The following GEMIN4 variants were observed in gnomAD, a reference collection of about 807,000 sequenced individuals.
GEMIN4 encodes gem nuclear organelle associated protein 4.
Under a neutral mutation model 76.8 loss-of-function variants are expected in GEMIN4, and 59 were observed. The ratio of observed to expected loss-of-function variants is 0.77; its 90% CI spans 0.62 to 0.95. GEMIN4 has a LOEUF of 0.95. GEMIN4 is among the 40% of genes least tolerant of loss of function. The pLI, the probability that GEMIN4 is intolerant of heterozygous loss-of-function variation, is 0.00. For missense variants in GEMIN4, 1,311 were observed against 1,318.9 expected (o/e 0.99, Z 0.09); for synonymous variants, 562 against 559.7 (o/e 1.00, Z -0.06).
chr17:752,394 C>T, upstream of GEMIN4: 14 of 790,524 alleles, frequency 1.8e-5, no homozygotes, highest in Non-Finnish European at 2.4e-5. Context: ...CCGGACGTCG[C>T]TCACTAGACC....
chr17:748,213 CA>C, intron 1 of GEMIN4, 181 bp from the exon 2 acceptor site: 1 of 587,232 alleles, frequency 1.7e-6, no homozygotes, highest in Non-Finnish European at 3.0e-6. Context: ...CCGAGGAATC[CA>C]GAATGGCTTC....
intron 1 of GEMIN4, chr17:748,249 G>A (rs1904385697): frequency 1.8e-6 from 1 of 550,374 alleles, no homozygotes; most frequent in Non-Finnish European, 3.2e-6. Flanking sequence ...TGGGAACTGG[G>A]AGGCCACCAG....
At position 744,845 on chromosome 17, in the gene GEMIN4, G is replaced by C; in HGVS notation, c.*21C>G. 4 of 1,591,698 alleles carry C rather than the reference G, an allele frequency of 2.5e-6. No homozygotes were observed. The highest frequency in any genetic ancestry group is 2.7e-5 in the African/African-American group (2 of 74,396). ...ATCTTCTGCAGACCCGCCATGTTGG[G>C]GCCCAGCTCCCCACGCCAAGTCAGA... is the stretch of plus-strand genomic sequence containing the variant. On this transcript the variant is annotated 3_prime_UTR_variant, in exon 2 of 2. Transcript: ENST00000319004.
Position 744,836 on chromosome 17 carries a change from C to G in GEMIN4, c.*30G>C. The G allele has an allele frequency of 6.3e-7, 1 of 1,583,562 alleles. No homozygotes were observed. The highest frequency in any genetic ancestry group is 8.6e-7 in the Non-Finnish European group (1 of 1,167,296). On this transcript the variant is annotated 3_prime_UTR_variant, in exon 2 of 2. Coordinates refer to ENST00000319004, the MANE Select transcript of GEMIN4 (RefSeq NM_015721.3). Reference sequence around the variant, plus strand: ...AAGCTGCTGATCTTCTGCAGACCCGCCATGTTGGGGCCCAGCTCCCCACGC... The same window carrying G: ...AAGCTGCTGATCTTCTGCAGACCCGGCATGTTGGGGCCCAGCTCCCCACGC...
chr17:747,426 T>A lies in GEMIN4; in HGVS notation c.617A>T (p.Asp206Val). 6.2e-7 allele frequency: 1 copy of A among 1,613,756 alleles called. No individual in the cohort carries two copies. Among genetic ancestry groups the A allele is most frequent in the South Asian group, 1.1e-5 (1 of 91,076 alleles). ...FPHPPKRLRSDPDACPTMPLL... is the reference protein window; with the variant it reads ...FPHPPKRLRSVPDACPTMPLL... ...GGGCATGGTGGGGCACGCGTCTGGG[T>A]CTGACCTAAGCCTCTTTGGAGGATG... The change falls in exon 2 of 2, where the codon GAC (aspartate) becomes GTC (valine). Residue 206 changes from aspartate (D) to valine (V), a missense_variant. Transcript: ENST00000319004.
At chr17:752,077 C>T in intron 1 of GEMIN4, 56 bp downstream of exon 1, 2 of 1,165,886 alleles carry the variant, frequency 1.7e-6, no homozygotes, top group South Asian at 4.3e-5. Context: ...GGGGCAGCAC[C>T]GCTCTGGTGG....
Position 745,402 on chromosome 17 carries a change from C to A in GEMIN4, c.2641G>T (p.Glu881Ter). The change falls in exon 2 of 2, where the codon GAG (glutamate) becomes TAG (stop). Residue 881 changes from glutamate to a stop codon, truncating the protein, a stop_gained. Coordinates refer to ENST00000319004, the MANE Select transcript of GEMIN4 (RefSeq NM_015721.3). LOFTEE classifies it high-confidence loss of function. This position sits in a 1 kb window ranked among gnomAD's most constrained non-coding sequence, Gnocchi z 4.6. The stretch of plus-strand genomic sequence containing the variant: ...TAAGGGACATGGAGGAGCTGCTTCT[C>A]CAGCAGTCTCCTGGTCAGCTGGTGA... ...RLHQLTRRLL[E>*]KQLLHVPYSL... The A allele has an allele frequency of 2.5e-6, 4 of 1,613,138 alleles. No individual in the cohort carries two copies. The highest frequency in any genetic ancestry group is 3.4e-6 in the Non-Finnish European group (4 of 1,179,846).
chr17:744,641 TTA>T lies in GEMIN4; in HGVS notation c.*223_*224del. 4.2e-6 allele frequency: 2 copies of T among 479,174 alleles called. No individual in the cohort carries two copies. Among genetic ancestry groups the T allele is most frequent in the Non-Finnish European group, 7.3e-6 (2 of 273,058 alleles). 29.7% of individuals were successfully genotyped at this position (479,174 alleles called of 1,614,324 possible). A position where few individuals can be genotyped will look rare whatever the true frequency, so the allele number is the denominator to read the frequency against. The stretch of plus-strand genomic sequence containing the variant: ...AGTGAGATGCGAAAGAGGAGAATTT[TTA>T]TGATAGTTTGTACGTTACAAATACC... On this transcript the variant is annotated 3_prime_UTR_variant, in exon 2 of 2. Transcript: ENST00000319004.
Position 745,616 on chromosome 17 carries a change from G to A in GEMIN4, c.2427C>T (p.Tyr809=), listed in dbSNP as rs374917019. The A allele has an allele frequency of 6.3e-5, 101 of 1,606,640 alleles. No individual in the cohort carries two copies. In the South Asian group the frequency reaches 6.3e-4, roughly 10 times the overall value. Residue 809 remains tyrosine, a synonymous_variant, in exon 2 of 2, where the codon TAC becomes TAT. Coordinates refer to ENST00000319004, the MANE Select transcript of GEMIN4 (RefSeq NM_015721.3). The surrounding 1 kb of genome is among the most constrained non-coding windows in gnomAD (Gnocchi z 4.6). The part of the protein sequence containing the change: ...DEWTSQAHPG[Y]GAGTGLLAWM... ...AGGCCAGGAGCCCCGTGCCAGCCCC[G>A]TACCCTGGGTGGGCCTGGGAGGTCC...
At chr17:750,078 A>G in intron 1 of GEMIN4, 5 of 776,686 alleles carry the variant, frequency 6.4e-6, no homozygotes, top group Non-Finnish European at 7.8e-6. Context: ...GATTCTGGCC[A>G]GGTTCAGTGG....
rs369029997 is a variant in GEMIN4 at position 745,176 on chromosome 17, G to A, written c.2867C>T (p.Ala956Val). ...SLTRLLDSVR[A>V]IQAAGPWVQG... ...AACCCAAGGGCCAGCTGCCTGTATC[G>A]CCCTGACTGAGTCCAGGAGGCGGGT... is the stretch of plus-strand genomic sequence containing the variant. The change falls in exon 2 of 2, where the codon GCG becomes GTG. Residue 956 changes from alanine (A) to valine (V), a missense_variant. Around this residue, in one of 2 missense-constraint regions of GEMIN4, gnomAD observed 1,208 missense variants for 1,166.9 expected, o/e 1.04. Coordinates refer to ENST00000319004, the MANE Select transcript of GEMIN4 (RefSeq NM_015721.3). This position sits in a 1 kb window ranked among gnomAD's most constrained non-coding sequence, Gnocchi z 4.6. 2.4e-5 allele frequency: 39 copies of A among 1,605,898 alleles called. No individual in the cohort carries two copies. The highest frequency in any genetic ancestry group is 1.7e-4 in the Middle Eastern group (1 of 6,056).
At chr17:751,736 T>A (rs1181800808) in intron 1 of GEMIN4, 1 of 219,816 alleles carries the variant, frequency 4.5e-6, no homozygotes, top group East Asian at 9.1e-5. Context: ...GGAAACGTCA[T>A]GAGCGTAAGA....
upstream of GEMIN4, chr17:752,344 G>A (rs1451571484): frequency 1.2e-5 from 14 of 1,178,970 alleles, no homozygotes; most frequent in Middle Eastern, 3.2e-4. Flanking sequence ...AGCGCACAGC[G>A]CCGCCTTCCG....
Position 747,879 on chromosome 17 carries a change from G to A in GEMIN4, c.164C>T (p.Ser55Leu), listed in dbSNP as rs375811017. 2.1e-5 allele frequency: 34 copies of A among 1,613,872 alleles called. No individual in the cohort carries two copies. Among genetic ancestry groups the A allele is most frequent in the African/African-American group, 1.9e-4 (14 of 75,006 alleles). The change falls in exon 2 of 2, where the codon TCG becomes TTG. Residue 55 changes from serine (S) to leucine (L), a missense_variant. Ser to Leu is a moderately radical substitution (Grantham distance 145). This residue lies in a region of GEMIN4 where 103 missense variants were observed against 152.0 expected (regional missense o/e 0.68). Coordinates refer to ENST00000319004, the MANE Select transcript of GEMIN4 (RefSeq NM_015721.3). ...PIVEALREISSAAAHSQPFAW... is the reference protein window; with the variant it reads ...PIVEALREISLAAAHSQPFAW... ...AAAGGGCTGGGAGTGTGCTGCAGCC[G>A]AGGAGATCTCCCTTAAGGCCTCCAC... is the stretch of plus-strand genomic sequence containing the variant.
intron 1 of GEMIN4, 97 bp downstream of exon 1, chr17:752,036 C>T: frequency 1.1e-6 from 1 of 875,350 alleles, no homozygotes; most frequent in South Asian, 5.7e-5. Flanking sequence ...TCCGGGCCCG[C>T]GCGAGCGTGC....
chr17:752,246 G>A lies in GEMIN4; in HGVS notation c.-104C>T, dbSNP rs190025181. 1.6e-6 allele frequency: 2 copies of A among 1,228,012 alleles called. No individual in the cohort carries two copies. Among genetic ancestry groups the A allele is most frequent in the Non-Finnish European group, 2.0e-6 (2 of 985,312 alleles). 76.1% of individuals were successfully genotyped at this position (1,228,012 alleles called of 1,614,324 possible). ...CGATGGGAGACGCAGGAGCCACGGCGGCCGCGCTTAGGCCTGCTCACAACC... is the reference window on the plus strand; with the variant it reads ...CGATGGGAGACGCAGGAGCCACGGCAGCCGCGCTTAGGCCTGCTCACAACC... On this transcript the variant is annotated 5_prime_UTR_variant, in exon 1 of 2. Coordinates refer to ENST00000319004, the MANE Select transcript of GEMIN4 (RefSeq NM_015721.3).
chr17:746,392 G>A lies in GEMIN4; in HGVS notation c.1651C>T (p.Arg551Cys), dbSNP rs375053646. The A allele has an allele frequency of 8.1e-6, 13 of 1,613,824 alleles. No individual in the cohort carries two copies. Among genetic ancestry groups the A allele is most frequent in the East Asian group, 6.7e-5 (3 of 44,884 alleles). ...ACTTCCGGGTGCACTATGACCAGGC[G>A]GGCCACGGAGGCCACAGCTTTTGCC... ...GLAKAVASVA[R>C]LVIVHPEVTV... The change falls in exon 2 of 2, where the codon CGC (arginine) becomes TGC (cysteine). Residue 551 changes from arginine to cysteine, a missense_variant. By Grantham distance (180) the Arg-to-Cys change is radical. Around this residue, in one of 2 missense-constraint regions of GEMIN4, gnomAD observed 1,208 missense variants for 1,166.9 expected, o/e 1.04. Coordinates refer to ENST00000319004, the MANE Select transcript of GEMIN4 (RefSeq NM_015721.3). The surrounding 1 kb of genome is among the most constrained non-coding windows in gnomAD (Gnocchi z 4.3).
At chr17:751,289 T>C (rs187271192) in intron 1 of GEMIN4, among the ~76,000 whole-genome samples, 1 of 152,242 alleles carries the variant, frequency 6.6e-6, no homozygotes, top group East Asian at 1.9e-4. Flanking sequence ...GCTGAGGGTG[T>C]CCCAGCCTGA....
Position 745,197 on chromosome 17 carries a change from C to T in GEMIN4, c.2846G>A (p.Arg949His), listed in dbSNP as rs201991884. ...VVKLLCGSLT[R>H]LLDSVRAIQA... Reference sequence around the variant, plus strand: ...TATCGCCCTGACTGAGTCCAGGAGGCGGGTCAGACTGCCACAGAGGAGTTT... The same window carrying T: ...TATCGCCCTGACTGAGTCCAGGAGGTGGGTCAGACTGCCACAGAGGAGTTT... The change falls in exon 2 of 2, where the codon CGC becomes CAC. Residue 949 changes from arginine (R) to histidine (H), a missense_variant. By Grantham distance (29) the Arg-to-His change is conservative (BLOSUM62 0). Coordinates refer to ENST00000319004, the MANE Select transcript of GEMIN4 (RefSeq NM_015721.3). This position sits in a 1 kb window ranked among gnomAD's most constrained non-coding sequence, Gnocchi z 4.6. 3.4e-5 allele frequency: 55 copies of T among 1,607,044 alleles called. No individual in the cohort carries two copies. The highest frequency in any genetic ancestry group is 1.3e-4 in the African/African-American group (10 of 74,906).
Sources: allele counts gnomAD v4.1 joint callset (sites outside exome capture counted in the v4.1 genomes callset), GRCh38; gene constraint gnomAD v4.1.1; regional missense constraint gnomAD v4.1.1; non-coding constraint Gnocchi (gnomAD v3.1); transcripts MANE v1.5; gene names NCBI Gene and HGNC (gene_info 2026-07-23, HGNC 2026-07-21).